The following VAT1L variants were observed in gnomAD, a reference collection of about 807,000 sequenced individuals.
VAT1L encodes the protein putative NADPH-dependent quinone oxidoreductase VAT1L.
Under a neutral mutation model 44.1 loss-of-function variants are expected in VAT1L, and 34 were observed. The ratio of observed to expected loss-of-function variants is 0.77; its 90% CI spans 0.59 to 1.03. The LOEUF (loss-of-function observed/expected upper bound fraction) is 1.03, where lower values mean the gene tolerates loss of function less well. VAT1L is among the 50% of genes least tolerant of loss of function. VAT1L has a pLI of 0.00. For missense variants in VAT1L, 615 were observed against 538.8 expected (o/e 1.14, Z -1.40); for synonymous variants, 253 against 202.2 (o/e 1.25, Z -2.13).
chr16:77,852,824 C>T (rs2142434620), intron 3 of VAT1L, among the ~76,000 whole-genome samples: 1 of 152,266 alleles, frequency 6.6e-6, no homozygotes, highest in East Asian at 1.9e-4. Context: ...CAGATCTTCT[C>T]CCTGGTATTA....
At chr16:77,811,730 T>C (rs1597173064) in intron 1 of VAT1L, among the ~76,000 whole-genome samples, 1 of 152,132 alleles carries the variant, frequency 6.6e-6, no homozygotes, top group South Asian at 2.1e-4. Context: ...CACCTAACCA[T>C]CTCTCAGGAG....
intron 1 of VAT1L, 30 bp from the exon 2 acceptor site, chr16:77,816,891 T>C (rs2016365165): frequency 6.4e-7 from 1 of 1,564,972 alleles, no homozygotes; most frequent in Non-Finnish European, 8.7e-7. Context: ...TCATTTTGAA[T>C]TTCTCTCCTT....
chr16:77,882,621 A>C (rs2142459673), intron 6 of VAT1L, among the ~76,000 whole-genome samples: 1 of 152,368 alleles, frequency 6.6e-6, no homozygotes, highest in Middle Eastern at 3.4e-3. Context: ...AGTAAGTGAC[A>C]AAGCTGAGAT....
intron 4 of VAT1L, among the ~76,000 whole-genome samples, chr16:77,872,466 C>T (rs1443955920): frequency 1.3e-5 from 2 of 152,094 alleles, no homozygotes. Flanking sequence ...GAGACAGGAA[C>T]GCAATTACCC....
chr16:77,892,623 C>T, intron 7 of VAT1L: 2 of 689,296 alleles, frequency 2.9e-6, no homozygotes, highest in Non-Finnish European at 5.5e-6. Flanking sequence ...GGTGACTTCA[C>T]ACTCCATAAT....
chr16:77,843,731 T>G (rs574517043), intron 3 of VAT1L, among the ~76,000 whole-genome samples: 1 of 152,340 alleles, frequency 6.6e-6, no homozygotes, highest in East Asian at 1.9e-4. Context: ...GTCTACTCCC[T>G]GTCCCTGATA....
intron 1 of VAT1L, among the ~76,000 whole-genome samples, chr16:77,798,677 C>T (rs1473745107): frequency 4.6e-5 from 7 of 152,066 alleles, no homozygotes; most frequent in African/African-American, 9.7e-5. Flanking sequence ...CACCTGTATC[C>T]GCCAAAGACC....
At chr16:77,891,126 G>A (rs919491558) in intron 7 of VAT1L, among the ~76,000 whole-genome samples, 28 of 152,018 alleles carry the variant, frequency 1.8e-4, no homozygotes, top group East Asian at 3.9e-4. Flanking sequence ...AGGCCGAGGC[G>A]GGCGGATCAC....
At chr16:77,946,027 G>A (rs142997773) in intron 7 of VAT1L, among the ~76,000 whole-genome samples, 114 of 151,928 alleles carry the variant, frequency 7.5e-4, no homozygotes, top group African/African-American at 2.6e-3. Flanking sequence ...GTCTCGAACT[G>A]CTGACCGCAT....
In VAT1L at chr16:77,884,889, G is replaced by T; in HGVS notation, c.1077+87G>T. 2 of 1,373,026 alleles carry T rather than the reference G, an allele frequency of 1.5e-6. No individual in the cohort carries two copies. Among genetic ancestry groups the T allele is most frequent in the Non-Finnish European group, 1.9e-6 (2 of 1,047,720 alleles). 85.1% of individuals were successfully genotyped at this position (1,373,026 alleles called of 1,614,324 possible). ...AGCCAAATACAATCTTCTACTAAAT[G>T]ATTTTTTTCCCAGATGGGTTTGTTT... is the stretch of plus-strand genomic sequence containing the variant. On this transcript the variant is annotated intron_variant, in intron 7 of 8. Coordinates refer to ENST00000302536, the MANE Select transcript of VAT1L (RefSeq NM_020927.3). The surrounding 1 kb of genome is among the most constrained non-coding windows in gnomAD (Gnocchi z 4.5).
At chr16:77,912,045 A>C (rs146347669) in intron 7 of VAT1L, among the ~76,000 whole-genome samples, 1 of 152,192 alleles carries the variant, frequency 6.6e-6, no homozygotes, top group South Asian at 2.1e-4. Context: ...TGGGCCCACC[A>C]TACCTCTTCA....
chr16:77,822,322 C>T (rs1479560854), intron 2 of VAT1L, among the ~76,000 whole-genome samples: 2 of 152,054 alleles, frequency 1.3e-5, no homozygotes, highest in African/African-American at 4.8e-5. Flanking sequence ...TTAGTAGAGA[C>T]GGGGTTTCTC....
At chr16:77,854,686 A>G (rs184994536) in intron 3 of VAT1L, among the ~76,000 whole-genome samples, 271 of 152,306 alleles carry the variant, frequency 1.8e-3, no homozygotes, top group Non-Finnish European at 3.5e-3. Context: ...GGAAGAAGAA[A>G]ATCTTACCTC....
intron 7 of VAT1L, among the ~76,000 whole-genome samples, chr16:77,944,257 GCTTGGTCCCTCTAAAA>G (rs1286649516): frequency 6.6e-6 from 1 of 152,130 alleles, no homozygotes; most frequent in Non-Finnish European, 1.5e-5. Flanking sequence ...GATTAAGTGA[GCTTGGTCCCTCTAAAA>G]GATGTGTTTA....
chr16:77,975,802 C>A (rs1466490726), intron 8 of VAT1L, among the ~76,000 whole-genome samples: 1 of 152,204 alleles, frequency 6.6e-6, no homozygotes, highest in Non-Finnish European at 1.5e-5. Context: ...CTCCAGACCC[C>A]ACAGTACCAG....
intron 4 of VAT1L, among the ~76,000 whole-genome samples, chr16:77,874,929 A>T (rs148991215): frequency 1.6e-3 from 244 of 151,838 alleles, no homozygotes; most frequent in Non-Finnish European, 2.4e-3. Flanking sequence ...TGGAATTAGC[A>T]GTGGCAGCAG....
At chr16:77,970,575 G>C in intron 7 of VAT1L, among the ~76,000 whole-genome samples, 1 of 152,110 alleles carries the variant, frequency 6.6e-6, no homozygotes, top group East Asian at 1.9e-4. Flanking sequence ...CCTTTCAGTA[G>C]ACACATGTGA....
At chr16:77,829,730 C>T (rs1401050679) in intron 3 of VAT1L, among the ~76,000 whole-genome samples, 1 of 152,136 alleles carries the variant, frequency 6.6e-6, no homozygotes, top group Non-Finnish European at 1.5e-5. Flanking sequence ...GTTTAATGAG[C>T]CTTGTTGATA....
chr16:77,905,268 G>A (rs1035237185), intron 7 of VAT1L, among the ~76,000 whole-genome samples: 1 of 152,188 alleles, frequency 6.6e-6, no homozygotes, highest in Non-Finnish European at 1.5e-5. Context: ...TGTTGGCATG[G>A]CTTGATTTTC....
Sources: allele counts gnomAD v4.1 joint callset (sites outside exome capture counted in the v4.1 genomes callset), GRCh38; gene constraint gnomAD v4.1.1; non-coding constraint Gnocchi (gnomAD v3.1); transcripts MANE v1.5; gene names NCBI Gene and HGNC (gene_info 2026-07-23, HGNC 2026-07-21).